TEKT4: variants seen among roughly 807,000 people sequenced by gnomAD.
TEKT4 encodes the protein tektin 4, also known as tektin-4.
Under a neutral mutation model 46.0 loss-of-function variants are expected in TEKT4, and 46 were observed. That is an observed-to-expected ratio of 1.00 (90% CI 0.79 to 1.28). The LOEUF is 1.28. Ranked by LOEUF, TEKT4 falls within the 50% of genes most tolerant of loss-of-function variation. The probability of loss-of-function intolerance (pLI) is 0.00; values close to 1 mark genes in which losing one functional copy is unlikely to be tolerated. For missense variants in TEKT4, 790 were observed against 622.9 expected (o/e 1.27, Z -2.85); for synonymous variants, 325 against 265.8 (o/e 1.22, Z -2.17).
intron 1 of TEKT4, 174 bp downstream of exon 1, chr2:94,872,251 GC>G: frequency 1.3e-6 from 1 of 792,816 alleles, no homozygotes; most frequent in Non-Finnish European, 1.9e-6. Flanking sequence ...AGGCAGCTTT[GC>G]CCCAGAAGAC....
Position 94,871,579 on chromosome 2 carries a change from C to G in TEKT4, c.-1C>G. 6.3e-7 allele frequency: 1 copy of G among 1,598,522 alleles called. No individual in the cohort carries two copies. Among genetic ancestry groups the G allele is most frequent in the Non-Finnish European group, 8.5e-7 (1 of 1,172,802 alleles). On this transcript the variant is annotated 5_prime_UTR_variant, in exon 1 of 6. Transcript: ENST00000295201. ...CCTGGCCCTGGTGGGCGGCAGGCAC[C>G]ATGGCGCAGACAGTGCCGCCCTGCG... is the stretch of plus-strand genomic sequence containing the variant.
Position 94,871,812 on chromosome 2 carries a change from CG to C in TEKT4, c.234del (p.Leu79TrpfsTer87). On this transcript the variant is annotated frameshift_variant, in exon 1 of 6. Transcript: ENST00000295201. LOFTEE classifies it high-confidence loss of function. ...ESQQLATETQ[A>X]LAQRTQQDST... ...CAGCAGCTGGCCACAGAGACCCAGG[CG>C]CTGGCGCAGCGCACGCAGCAAGACT... is the stretch of plus-strand genomic sequence containing the variant. 1 of 1,609,298 alleles carries C rather than the reference CG, an allele frequency of 6.2e-7. No homozygotes were observed. The highest frequency in any genetic ancestry group is 8.5e-7 in the Non-Finnish European group (1 of 1,177,962).
chr2:94,875,228 C>T (rs1344916322), intron 4 of TEKT4, among the ~76,000 whole-genome samples: 1 of 152,166 alleles, frequency 6.6e-6, no homozygotes, highest in Non-Finnish European at 1.5e-5. Context: ...GTCTGGGGAA[C>T]ACTGACCGCC....
intron 1 of TEKT4, chr2:94,873,062 A>C (rs113038296): frequency 1.6e-6 from 2 of 1,275,662 alleles, no homozygotes; most frequent in African/African-American, 3.1e-5. Flanking sequence ...TGGCCAGGCA[A>C]TAAGAAGAAA....
rs1680590494 is a variant in TEKT4, at chr2:94,871,979, G to A, written c.400G>A (p.Glu134Lys). 6.9e-6 allele frequency: 11 copies of A among 1,600,586 alleles called. No homozygotes were observed. Among genetic ancestry groups the A allele is most frequent in the East Asian group, 2.2e-5 (1 of 44,494 alleles). The change falls in exon 1 of 6, where the codon GAG becomes AAG. Residue 134 changes from glutamate to lysine, a missense_variant. Glu to Lys is a moderately conservative substitution (Grantham distance 56). Coordinates refer to ENST00000295201, the MANE Select transcript of TEKT4 (RefSeq NM_144705.4). ...QRLERALDAT[E>K]VPFSITTDNL... ...GCTGGAGCGCGCCCTGGACGCCACAGAGGTGCCCTTCTCCATCACCACTGA... is the reference window on the plus strand; with the variant it reads ...GCTGGAGCGCGCCCTGGACGCCACAAAGGTGCCCTTCTCCATCACCACTGA...
Position 94,874,802 on chromosome 2 carries a change from AG to A in TEKT4, c.741del (p.Lys247AsnfsTer42), listed in dbSNP as rs1553395826. The stretch of plus-strand genomic sequence containing the variant: ...GCCTCCACCCCGGAGACCCGGGCCA[AG>A]TTCACGCAGGACAATCTGTGCCGTG... ...ESASTPETRA[K>X]FTQDNLCRAQ... On this transcript the variant is annotated frameshift_variant, in exon 4 of 6. Transcript: ENST00000295201. LOFTEE classifies it high-confidence loss of function. 3.1e-6 allele frequency: 5 copies of A among 1,595,364 alleles called. No homozygotes were observed. Among genetic ancestry groups the A allele is most frequent in the African/African-American group, 1.3e-5 (1 of 74,612 alleles).
intron 3 of TEKT4, among the ~76,000 whole-genome samples, chr2:94,874,513 C>T (rs1680737221): frequency 8.3e-6 from 1 of 120,884 alleles, no homozygotes. Context: ...GGCAGCGGTG[C>T]TGGGAACGGG....
rs1221219537 is a variant in TEKT4 at position 94,872,135 on chromosome 2, C to G, written c.498+58C>G. 1.8e-4 allele frequency: 270 copies of G among 1,476,196 alleles called. 13 individuals carry two copies. In the East Asian group the frequency reaches 2.0e-3, roughly 11 times the overall value. 91.4% of individuals were successfully genotyped at this position (1,476,196 alleles called of 1,614,324 possible). On this transcript the variant is annotated intron_variant, in intron 1 of 5. Transcript: ENST00000295201. Reference sequence around the variant, plus strand: ...GGCGCAGAGAGGAGGAGCCCCCCCCCCCGCAGTTCATGTGGACAAGCCACG... The same window carrying G: ...GGCGCAGAGAGGAGGAGCCCCCCCCGCCGCAGTTCATGTGGACAAGCCACG...
rs782083389 is a variant in TEKT4, at chr2:94,874,808, C to T, written c.746C>T (p.Thr249Met). ...ASTPETRAKF[T>M]QDNLCRAQRE... ...ACCCCGGAGACCCGGGCCAAGTTCA[C>T]GCAGGACAATCTGTGCCGTGCCCAG... The change falls in exon 4 of 6, where the codon ACG becomes ATG. Residue 249 changes from threonine (T) to methionine (M), a missense_variant. Thr to Met is a moderately conservative substitution (Grantham distance 81). Transcript: ENST00000295201. 1.5e-5 allele frequency: 24 copies of T among 1,598,516 alleles called. No individual in the cohort carries two copies. Among genetic ancestry groups the T allele is most frequent in the East Asian group, 9.0e-5 (4 of 44,284 alleles).
rs144165066 is a variant in TEKT4, at chr2:94,871,699, G to T, written c.120G>T (p.Leu40=). The T allele has an allele frequency of 4.3e-4, 699 of 1,612,608 alleles. 4 individuals carry two copies. In the African/African-American group the frequency reaches 8.0e-3, roughly 18 times the overall value. ...CCAGCTTCCGCACCTCCAAGTACCT[G>T]CTGGAGGAGTGGTTCCAGAACTGCT... ...ATASFRTSKY[L]LEEWFQNCYA... The change falls in exon 1 of 6, where the codon CTG becomes CTT. Residue 40 remains leucine, a synonymous_variant. Coordinates refer to ENST00000295201, the MANE Select transcript of TEKT4 (RefSeq NM_144705.4).
intron 5 of TEKT4, among the ~76,000 whole-genome samples, chr2:94,876,030 A>C (rs143074212): frequency 0.011 from 1,604 of 152,252 alleles, 28 homozygotes; most frequent in African/African-American, 0.037. Flanking sequence ...GCTCCTTCAG[A>C]CAAGGTGAGC....
At position 94,871,625 on chromosome 2, in the gene TEKT4, G is replaced by C. The variant is rs1266527562; in HGVS notation, c.46G>C (p.Asp16His). 6.2e-7 allele frequency: 1 copy of C among 1,612,232 alleles called. No homozygotes were observed. The highest frequency in any genetic ancestry group is 8.5e-7 in the Non-Finnish European group (1 of 1,179,794). ...CTGCGAGCTGCCCTGCAAAGAGTACGACGTGGCCCGTAACACGGGCGCCTA... is the reference window on the plus strand; with the variant it reads ...CTGCGAGCTGCCCTGCAAAGAGTACCACGTGGCCCGTAACACGGGCGCCTA... ...PPCELPCKEYDVARNTGAYTS... is the reference protein window; with the variant it reads ...PPCELPCKEYHVARNTGAYTS... The change falls in exon 1 of 6, where the codon GAC (aspartate) becomes CAC (histidine). Residue 16 changes from aspartate to histidine, a missense_variant. Transcript: ENST00000295201.
rs772043263 is a variant in TEKT4 at position 94,871,873 on chromosome 2, G to A, written c.294G>A (p.Thr98=). The A allele has an allele frequency of 1.0e-4, 165 of 1,599,960 alleles. No homozygotes were observed. The highest frequency in any genetic ancestry group is 3.3e-4 in the Middle Eastern group (2 of 6,054). Residue 98 remains threonine, a synonymous_variant, in exon 1 of 6, where the codon ACG becomes ACA. Transcript: ENST00000295201. ...TRTVGERLQD[T]HSWKSELQRE... ...CAGTGGGCGAGCGACTGCAGGACAC[G>A]CACAGCTGGAAGTCGGAGCTGCAGC...
At chr2:94,875,048 G>A (rs1553395993) in intron 4 of TEKT4, 50 bp downstream of exon 4, 13 of 1,513,628 alleles carry the variant, frequency 8.6e-6, no homozygotes, top group Non-Finnish European at 1.2e-5. Context: ...ACCTGGCCTG[G>A]GCCCTCAACA....
Position 94,874,811 on chromosome 2 carries a change from A to T in TEKT4, c.749A>T (p.Gln250Leu). Reference sequence around the variant, plus strand: ...CCGGAGACCCGGGCCAAGTTCACGCAGGACAATCTGTGCCGTGCCCAGCGC... The same window carrying T: ...CCGGAGACCCGGGCCAAGTTCACGCTGGACAATCTGTGCCGTGCCCAGCGC... ...STPETRAKFTQDNLCRAQRER... is the reference protein window; with the variant it reads ...STPETRAKFTLDNLCRAQRER... Residue 250 changes from glutamine (Q) to leucine (L), a missense_variant, in exon 4 of 6, where the codon CAG becomes CTG. Physicochemically the swap from Gln to Leu is moderately radical, Grantham distance 113. Transcript: ENST00000295201. 6.2e-7 allele frequency: 1 copy of T among 1,600,518 alleles called. No individual in the cohort carries two copies. Among genetic ancestry groups the T allele is most frequent in the Non-Finnish European group, 8.5e-7 (1 of 1,175,076 alleles).
chr2:94,874,825 C>A lies in TEKT4; in HGVS notation c.763C>A (p.Arg255Ser), dbSNP rs146835759. The change falls in exon 4 of 6, where the codon CGT becomes AGT. Residue 255 changes from arginine to serine, a missense_variant. Coordinates refer to ENST00000295201, the MANE Select transcript of TEKT4 (RefSeq NM_144705.4). ...CAAGTTCACGCAGGACAATCTGTGC[C>A]GTGCCCAGCGCGAGCGCCTGGCCTC... ...RAKFTQDNLC[R>S]AQRERLASAN... 13 of 1,604,166 alleles carry A rather than the reference C, an allele frequency of 8.1e-6. No individual in the cohort carries two copies. Among genetic ancestry groups the A allele is most frequent in the Non-Finnish European group, 9.3e-6 (11 of 1,176,686 alleles).
rs1418123842 is a variant in TEKT4 at position 94,875,017 on chromosome 2, C to T, written c.936+19C>T. The T allele has an allele frequency of 2.6e-6, 4 of 1,567,656 alleles. No individual in the cohort carries two copies. Among genetic ancestry groups the T allele is most frequent in the South Asian group, 2.4e-5 (2 of 84,536 alleles). Reference sequence around the variant, plus strand: ...GCACAAGGTGGGGCACCCTGAACCCCGAAGACGGCCCCCTCTCATCACCTG... The same window carrying T: ...GCACAAGGTGGGGCACCCTGAACCCTGAAGACGGCCCCCTCTCATCACCTG... On this transcript the variant is annotated intron_variant, in intron 4 of 5. Coordinates refer to ENST00000295201, the MANE Select transcript of TEKT4 (RefSeq NM_144705.4).
chr2:94,871,629 T>C lies in TEKT4; in HGVS notation c.50T>C (p.Val17Ala). The change falls in exon 1 of 6, where the codon GTG becomes GCG. Residue 17 changes from valine to alanine, a missense_variant. Coordinates refer to ENST00000295201, the MANE Select transcript of TEKT4 (RefSeq NM_144705.4). ...PCELPCKEYD[V>A]ARNTGAYTSS... ...GAGCTGCCCTGCAAAGAGTACGACG[T>C]GGCCCGTAACACGGGCGCCTACACG... is the stretch of plus-strand genomic sequence containing the variant. 1.2e-6 allele frequency: 2 copies of C among 1,612,342 alleles called. No homozygotes were observed. The highest frequency in any genetic ancestry group is 1.3e-5 in the African/African-American group (1 of 75,052).
chr2:94,873,834 A>C, intron 2 of TEKT4, 131 bp from the exon 3 acceptor site: 4 of 1,353,834 alleles, frequency 3.0e-6, no homozygotes, highest in Non-Finnish European at 4.0e-6. Flanking sequence ...GCTGAGCACG[A>C]GGGCTGCCCG....
Sources: allele counts gnomAD v4.1 joint callset (sites outside exome capture counted in the v4.1 genomes callset), GRCh38; gene constraint gnomAD v4.1.1; transcripts MANE v1.5; gene names NCBI Gene and HGNC (gene_info 2026-07-23, HGNC 2026-07-21).